The following CDKAL1 variants were observed in gnomAD, a reference collection of about 807,000 sequenced individuals.
CDKAL1 encodes the protein threonylcarbamoyladenosine tRNA methylthiotransferase.
Under a neutral mutation model 68.2 loss-of-function variants are expected in CDKAL1, and 32 were observed. The ratio of observed to expected loss-of-function variants is 0.47; its 90% CI spans 0.35 to 0.63. The LOEUF (loss-of-function observed/expected upper bound fraction) is 0.63. Ranked by LOEUF, CDKAL1 falls within the 30% of genes least tolerant of loss-of-function variation. The pLI is 0.00. For missense variants in CDKAL1, 606 were observed against 696.7 expected, an observed-to-expected ratio of 0.87 and a Z score of 1.47; for synonymous variants, 234 against 244.3, an observed-to-expected ratio of 0.96 and a Z score of 0.39.
At chr6:21,191,972 TATTTTTATAATTC>T (rs1232946328) in intron 13 of CDKAL1, among the ~76,000 whole-genome samples, 122 of 136,888 alleles carry the variant, frequency 8.9e-4, no homozygotes, top group African/African-American at 3.3e-3. Context: ...TTTACAGGAA[TATTTTTATAATTC>T]ATTTTTCTTT....
intron 8 of CDKAL1, among the ~76,000 whole-genome samples, chr6:20,801,063 A>T (rs1776345821): frequency 6.6e-6 from 1 of 152,124 alleles, no homozygotes; most frequent in African/African-American, 2.4e-5. Context: ...GACTATGGGC[A>T]TATGCCATCA....
chr6:20,985,766 G>T (rs1766419262), intron 10 of CDKAL1, among the ~76,000 whole-genome samples: 1 of 151,524 alleles, frequency 6.6e-6, no homozygotes, highest in East Asian at 1.9e-4. Flanking sequence ...TCATGCCACT[G>T]CATTCCAACC....
At chr6:20,876,375 A>G (rs545809237) in intron 9 of CDKAL1, among the ~76,000 whole-genome samples, 1 of 152,194 alleles carries the variant, frequency 6.6e-6, no homozygotes, top group South Asian at 2.1e-4. Flanking sequence ...TGCTGCTAAC[A>G]TGACAGGACA....
chr6:20,872,217 G>A (rs1760259202), intron 9 of CDKAL1, among the ~76,000 whole-genome samples: 1 of 152,090 alleles, frequency 6.6e-6, no homozygotes, highest in African/African-American at 2.4e-5. Context: ...ATGAAAACGT[G>A]TGTGAAAATA....
At chr6:21,083,473 A>G (rs766475395) in intron 12 of CDKAL1, among the ~76,000 whole-genome samples, 14 of 152,164 alleles carry the variant, frequency 9.2e-5, no homozygotes, top group Non-Finnish European at 1.9e-4. Flanking sequence ...GTAGTCATAG[A>G]TATTTTGCTG....
intron 11 of CDKAL1, among the ~76,000 whole-genome samples, chr6:21,042,665 G>A (rs1467060365): frequency 2.0e-5 from 3 of 151,896 alleles, no homozygotes; most frequent in Non-Finnish European, 4.4e-5. Flanking sequence ...CCTATTTGAC[G>A]CCAGTACTAT....
chr6:20,652,651 C>A (rs927646372), intron 5 of CDKAL1, among the ~76,000 whole-genome samples: 2 of 152,162 alleles, frequency 1.3e-5, no homozygotes, highest in African/African-American at 4.8e-5. Flanking sequence ...CTTGCCTTCC[C>A]AGCCAGACTT....
At chr6:20,734,722 AT>A (rs1310899920) in intron 5 of CDKAL1, among the ~76,000 whole-genome samples, 2 of 152,246 alleles carry the variant, frequency 1.3e-5, no homozygotes, top group African/African-American at 4.8e-5. Flanking sequence ...ATTTAAAAAA[AT>A]AATGAAATAA....
rs200076110 is a variant in CDKAL1, at chr6:21,065,676, CT to C, written c.1236+461del. 5.3e-3 allele frequency among the ~76,000 whole-genome samples: 705 copies of C among 133,226 alleles called. 9 individuals carry two copies. Among genetic ancestry groups the C allele is most frequent in the African/African-American group, 0.016 (561 of 35,088 alleles). 87.4% of individuals were successfully genotyped at this position (133,226 alleles called of 152,430 possible). ...GATAGATTTGATACTATCTTTCTAC[CT>C]TTTTTTTTTTTTCAGTTTTTTCACA... On this transcript the variant is annotated intron_variant, in intron 12 of 15. Coordinates refer to ENST00000274695, the MANE Select transcript of CDKAL1 (RefSeq NM_017774.3).
chr6:20,585,241 A>G lies in CDKAL1; in HGVS notation c.286+36536A>G, dbSNP rs140922112. Among the ~76,000 whole-genome samples, 571 of 151,648 alleles carry G rather than the reference A, an allele frequency of 3.8e-3. 7 individuals carry two copies. Among genetic ancestry groups the G allele is most frequent in the African/African-American group, 0.013 (542 of 41,328 alleles). ...TAATTTTTTTTTATTTTTAGTAGAG[A>G]TGGGGTTTCACCGTGTTAGCCAGGA... On this transcript the variant is annotated intron_variant, in intron 4 of 15. Transcript: ENST00000274695.
intron 4 of CDKAL1, among the ~76,000 whole-genome samples, chr6:20,579,793 T>G (rs1179874450): frequency 6.6e-6 from 1 of 152,222 alleles, no homozygotes; most frequent in East Asian, 1.9e-4. Context: ...GTTGAGTATT[T>G]CAAGGTTTGT....
At chr6:20,732,807 C>G (rs193191412) in intron 5 of CDKAL1, among the ~76,000 whole-genome samples, 1 of 152,258 alleles carries the variant, frequency 6.6e-6, no homozygotes, top group East Asian at 1.9e-4. Flanking sequence ...CTTCATTTTT[C>G]CCATGTAGTT....
intron 5 of CDKAL1, among the ~76,000 whole-genome samples, chr6:20,662,074 A>G (rs1769309061): frequency 6.6e-6 from 1 of 152,156 alleles, no homozygotes; most frequent in Admixed American, 6.6e-5. Flanking sequence ...GTGTGTTTAT[A>G]TAACAGCAGA....
chr6:21,227,520 C>T lies in CDKAL1; in HGVS notation c.1549-3328C>T, dbSNP rs540470692. ...AGGTGAAAATAATAAAAGGGCACAG[C>T]ACAATAGAGACAGGATGCATTTACC... On this transcript the variant is annotated intron_variant, in intron 15 of 15. Transcript: ENST00000274695. Among the ~76,000 whole-genome samples the T allele has an allele frequency of 7.9e-5, 12 of 152,318 alleles. No homozygotes were observed. In the East Asian group the frequency reaches 2.1e-3, roughly 27 times the overall value.
intron 13 of CDKAL1, among the ~76,000 whole-genome samples, chr6:21,113,819 A>G (rs1423194630): frequency 6.6e-6 from 1 of 151,848 alleles, no homozygotes. Flanking sequence ...GTGTGCCTGT[A>G]GTCCCAGGTA....
chr6:20,590,526 G>GC (rs1765548912), intron 4 of CDKAL1, among the ~76,000 whole-genome samples: 1 of 151,300 alleles, frequency 6.6e-6, no homozygotes, highest in Non-Finnish European at 1.5e-5. Flanking sequence ...CTCCCCAACA[G>GC]CCCCCGGTGT....
intron 5 of CDKAL1, among the ~76,000 whole-genome samples, chr6:20,713,379 AATT>A (rs1771938352): frequency 1.3e-5 from 2 of 152,180 alleles, no homozygotes; most frequent in South Asian, 4.1e-4. Context: ...CTCGTATCTT[AATT>A]ATTTAAAAAT....
chr6:21,193,411 A>G (rs1251245443), intron 13 of CDKAL1, among the ~76,000 whole-genome samples: 2 of 152,218 alleles, frequency 1.3e-5, no homozygotes, highest in Admixed American at 6.5e-5. Flanking sequence ...CGCAGCCTAC[A>G]GATCTACCTT....
intron 9 of CDKAL1, among the ~76,000 whole-genome samples, chr6:20,892,725 C>G (rs1761472527): frequency 1.3e-5 from 2 of 152,072 alleles, no homozygotes; most frequent in African/African-American, 4.8e-5. Context: ...TTTTATTTAC[C>G]TCATATTAAC....
Sources: allele counts gnomAD v4.1 joint callset (sites outside exome capture counted in the v4.1 genomes callset), GRCh38; gene constraint gnomAD v4.1.1; transcripts MANE v1.5; gene names NCBI Gene and HGNC (gene_info 2026-07-23, HGNC 2026-07-21).